The following CLEC4E variants were observed in gnomAD, a reference collection of about 807,000 sequenced individuals.
CLEC4E encodes the protein C-type lectin domain family 4 member E, also known as C-type (calcium dependent, carbohydrate-recognition domain) lectin, superfamily member 9.
CLEC4E carries 21 observed loss-of-function variants against 24.7 expected under a neutral mutation model. The observed-to-expected ratio is 0.85, with a 90% confidence interval of 0.60 to 1.22. The LOEUF (loss-of-function observed/expected upper bound fraction) is 1.22, where lower values mean the gene tolerates loss of function less well. Ranked by LOEUF, CLEC4E falls within the 50% of genes most tolerant of loss-of-function variation. The probability of loss-of-function intolerance (pLI) is 0.00; values close to 1 mark genes in which losing one functional copy is unlikely to be tolerated. For missense variants in CLEC4E, 249 were observed against 254.1 expected, an observed-to-expected ratio of 0.98 and a Z score of 0.14; for synonymous variants, 94 against 85.7, an observed-to-expected ratio of 1.10 and a Z score of -0.54.
intron 2 of CLEC4E, 137 bp downstream of exon 2, chr12:8,539,718 A>G (rs1940669942): frequency 4.6e-6 from 3 of 655,900 alleles, no homozygotes; most frequent in South Asian, 1.9e-5. Flanking sequence ...GAAATAACCT[A>G]GAGATTAATA....
chr12:8,536,092 C>G lies in CLEC4E; in HGVS notation c.486G>C (p.Leu162=), dbSNP rs758410614. The part of the protein sequence containing the change: ...WVDGTPLTKS[L]SFWDVGEPNN... ...CCTCTCAATAGGAGGGTAATTACCT[C>G]AGAGACTTTGTCAAAGGTGTGCCGT... The change falls in exon 5 of 6, where the codon CTG becomes CTC. Residue 162 remains leucine, a splice_region_variant and synonymous_variant. Transcript: ENST00000299663. 3 of 1,601,630 alleles carry G rather than the reference C, an allele frequency of 1.9e-6. No homozygotes were observed. The South Asian group carries it at 3.3e-5, about 18-fold the overall frequency.
Position 8,539,727 on chromosome 12 carries a change from T to C in CLEC4E, c.130+128A>G, listed in dbSNP as rs763082346. 2.3e-4 allele frequency: 152 copies of C among 668,584 alleles called. No homozygotes were observed. In the African/African-American group the frequency reaches 2.3e-3, roughly 10 times the overall value. The allele number at this position is 668,584 out of a possible 1,614,324, so 41.4% of individuals were successfully genotyped here. On this transcript the variant is annotated intron_variant, in intron 2 of 5. Transcript: ENST00000299663. ...GTTTGAGAAATAACCTAGAGATTAA[T>C]AGGGAAAAAAAAAAGGGTGAAATAG...
chr12:8,535,499 A>T (rs1469312010), intron 5 of CLEC4E, among the ~76,000 whole-genome samples: 1 of 152,218 alleles, frequency 6.6e-6, no homozygotes, highest in Non-Finnish European at 1.5e-5. Context: ...GCAGCAAACC[A>T]AACCACCACG....
rs1940589226 is a variant in CLEC4E at position 8,534,719 on chromosome 12, A to G, written c.579T>C (p.Asn193=). ...AATAATTGAGGAAACAGGTTACATC[A>G]TTCCAATTTTGCCTTGGGTTTGAAG... ...RDSSNPRQNW[N]DVTCFLNYFR... The change falls in exon 6 of 6, where the codon AAT becomes AAC. Residue 193 remains asparagine, a synonymous_variant. Transcript: ENST00000299663. 2 of 1,613,938 alleles carry G rather than the reference A, an allele frequency of 1.2e-6. No individual in the cohort carries two copies. The highest frequency in any genetic ancestry group is 1.7e-6 in the Non-Finnish European group (2 of 1,179,938).
rs1382696926 is a variant in CLEC4E at position 8,537,117 on chromosome 12, G to T, written c.370C>A (p.Gln124Lys). The T allele has an allele frequency of 6.2e-7, 1 of 1,610,594 alleles. No individual in the cohort carries two copies. Among genetic ancestry groups the T allele is most frequent in the Admixed American group, 1.7e-5 (1 of 59,638 alleles). ...HLVVINSQEE[Q>K]EFLSYKKPKM... is the part of the protein sequence containing the mutation. Reference sequence around the variant, plus strand: ...TGGCATCGGAGGACTCCAGCTACCTGCTCCTCCTGTGAGTTGATAACCACC... The same window carrying T: ...TGGCATCGGAGGACTCCAGCTACCTTCTCCTCCTGTGAGTTGATAACCACC... Residue 124 changes from glutamine (Q) to lysine (K), a missense_variant and splice_region_variant, in exon 4 of 6, where the codon CAG (glutamine) becomes AAG (lysine). Gln to Lys is a moderately conservative substitution (Grantham distance 53). Coordinates refer to ENST00000299663, the MANE Select transcript of CLEC4E (RefSeq NM_014358.4).
chr12:8,537,032 G>C, intron 4 of CLEC4E, 83 bp downstream of exon 4: 1 of 1,227,872 alleles, frequency 8.1e-7, no homozygotes, highest in Non-Finnish European at 1.1e-6. Flanking sequence ...ATAGTCATTG[G>C]GGGTCAAGCA....
chr12:8,539,886 A>G lies in CLEC4E; in HGVS notation c.99T>C (p.Phe33=), dbSNP rs1277931875. 4.3e-6 allele frequency: 7 copies of G among 1,612,262 alleles called. No homozygotes were observed. The Admixed American group carries it at 1.2e-4, about 27-fold the overall frequency. Residue 33 remains phenylalanine (F), a synonymous_variant, in exon 2 of 6, where the codon TTT becomes TTC. Coordinates refer to ENST00000299663, the MANE Select transcript of CLEC4E (RefSeq NM_014358.4). ...LWTVAGIPIL[F]LSACFITRCV... is the part of the protein sequence containing the mutation. ...ATCTGGTGATGAAACAGGCACTGAG[A>G]AATAGGATGGGGATCCCAGCAACAG...
intron 3 of CLEC4E, among the ~76,000 whole-genome samples, chr12:8,537,693 G>A (rs930712608): frequency 2.0e-5 from 3 of 152,124 alleles, no homozygotes; most frequent in South Asian, 2.1e-4. Context: ...AGATGTGGGC[G>A]GCAAGCCACC....
At chr12:8,535,301 C>T (rs78521210) in intron 5 of CLEC4E, among the ~76,000 whole-genome samples, 30,409 of 152,160 alleles carry the variant, frequency 0.2, 3,469 homozygotes, top group Middle Eastern at 0.33. Context: ...AGCTAAGTCA[C>T]TTAACTCTGC....
At chr12:8,537,814 A>C (rs958574804) in intron 3 of CLEC4E, among the ~76,000 whole-genome samples, 1 of 152,246 alleles carries the variant, frequency 6.6e-6, no homozygotes, top group African/African-American at 2.4e-5. Context: ...TATGAATATC[A>C]TTAATCATTA....
At chr12:8,538,071 G>A (rs775686388) in intron 3 of CLEC4E, among the ~76,000 whole-genome samples, 6 of 152,256 alleles carry the variant, frequency 3.9e-5, no homozygotes, top group Non-Finnish European at 7.3e-5. Context: ...TAGCGGTAGC[G>A]TTAAGTGTCA....
chr12:8,540,878 T>G lies in CLEC4E; in HGVS notation c.-81A>C. The stretch of plus-strand genomic sequence containing the variant: ...CTCTTTCTTTCTCCTCAGGAGTGTT[T>G]TGTTGGTAAGATTCAGGGAGAATGA... On this transcript the variant is annotated 5_prime_UTR_variant, in exon 1 of 6. Transcript: ENST00000299663. 1 of 941,582 alleles carries G rather than the reference T, an allele frequency of 1.1e-6. No individual in the cohort carries two copies. Among genetic ancestry groups the G allele is most frequent in the Non-Finnish European group, 1.7e-6 (1 of 572,218 alleles). The allele number at this position is 941,582 out of a possible 1,614,324, so 58.3% of individuals were successfully genotyped here. A position where few individuals can be genotyped will look rare whatever the true frequency, so the allele number is the denominator to read the frequency against.
chr12:8,539,069 AATTGC>A, intron 3 of CLEC4E, 143 bp downstream of exon 3: 1 of 587,286 alleles, frequency 1.7e-6, no homozygotes, highest in Non-Finnish European at 3.0e-6. Flanking sequence ...CCCCAATGCT[AATTGC>A]ATCACCAAAT....
chr12:8,534,897 TTAACCTCAC>T (rs1940592630), intron 5 of CLEC4E, 88 bp from the exon 6 acceptor site: 1 of 1,167,930 alleles, frequency 8.6e-7, no homozygotes, highest in African/African-American at 1.6e-5. Context: ...TTTGTGTTAT[TTAACCTCAC>T]AACAATTTTG....
At position 8,537,181 on chromosome 12, in the gene CLEC4E, C is replaced by A. The variant is rs140267749; in HGVS notation, c.306G>T (p.Ala102=). ...YFFSTDTISW[A]LSLKNCSAMG... ...TGGCTGAGCAGTTCTTTAAACTTAA[C>A]GCCCAGGAAATGGTGTCAGTAGAAA... Residue 102 remains alanine (A), a synonymous_variant, in exon 4 of 6, where the codon GCG becomes GCT. Coordinates refer to ENST00000299663, the MANE Select transcript of CLEC4E (RefSeq NM_014358.4). 1.9e-6 allele frequency: 3 copies of A among 1,613,916 alleles called. No individual in the cohort carries two copies. The African/African-American group carries it at 4.0e-5, about 22-fold the overall frequency.
intron 3 of CLEC4E, among the ~76,000 whole-genome samples, chr12:8,537,929 G>A (rs1940637348): frequency 6.6e-6 from 1 of 152,254 alleles, no homozygotes; most frequent in Non-Finnish European, 1.5e-5. Context: ...AGGGGACATA[G>A]TGAGGTGTGA....
Position 8,539,228 on chromosome 12 carries a change from T to C in CLEC4E, c.209A>G (p.Asn70Ser), listed in dbSNP as rs377364688. The C allele has an allele frequency of 3.1e-5, 50 of 1,608,320 alleles. No individual in the cohort carries two copies. Among genetic ancestry groups the C allele is most frequent in the Non-Finnish European group, 4.1e-5 (48 of 1,175,068 alleles). Residue 70 changes from asparagine (N) to serine (S), a missense_variant, in exon 3 of 6, where the codon AAT (asparagine) becomes AGT (serine). By Grantham distance (46) the Asn-to-Ser change is conservative (BLOSUM62 1). Transcript: ENST00000299663. ...PENFTELSCY[N>S]YGSGSVKNCC... ...TGGGACTATTATACCTGATCCATAA[T>C]TGTAGCAGGAGAGCTCTGTGAAATT...
Position 8,537,127 on chromosome 12 carries a change from T to G in CLEC4E, c.360A>C (p.Ser120=). 1 of 1,612,718 alleles carries G rather than the reference T, an allele frequency of 6.2e-7. No individual in the cohort carries two copies. The highest frequency in any genetic ancestry group is 8.5e-7 in the Non-Finnish European group (1 of 1,179,116). ...AMGAHLVVIN[S]QEEQEFLSYK... Reference sequence around the variant, plus strand: ...GGACTCCAGCTACCTGCTCCTCCTGTGAGTTGATAACCACCAGGTGAGCCC... The same window carrying G: ...GGACTCCAGCTACCTGCTCCTCCTGGGAGTTGATAACCACCAGGTGAGCCC... Residue 120 remains serine (S), a synonymous_variant, in exon 4 of 6, where the codon TCA becomes TCC. Transcript: ENST00000299663.
intron 3 of CLEC4E, among the ~76,000 whole-genome samples, chr12:8,538,646 G>A (rs4562874): frequency 0.55 from 83,096 of 152,006 alleles, 22,957 homozygotes; most frequent in South Asian, 0.69. Flanking sequence ...ACATGCTCTC[G>A]TCTCTGGACA....
Sources: allele counts gnomAD v4.1 joint callset (sites outside exome capture counted in the v4.1 genomes callset), GRCh38; gene constraint gnomAD v4.1.1; transcripts MANE v1.5; gene names NCBI Gene and HGNC (gene_info 2026-07-23, HGNC 2026-07-21).